VPS13B: variants seen among roughly 807,000 people sequenced by gnomAD.
The protein encoded by VPS13B is vacuolar protein sorting 13 homolog B.
A neutral mutation model predicts 426.4 loss-of-function variants in VPS13B; 285 were observed. That is an observed-to-expected ratio of 0.67 (90% confidence interval 0.61 to 0.74). VPS13B has a LOEUF of 0.74. Among genes scored for constraint, VPS13B ranks in the 30% least tolerant of loss-of-function variants. The pLI is 0.00. For missense variants in VPS13B, 4,537 were observed against 4,782.6 expected (o/e 0.95, Z 1.51); for synonymous variants, 1,676 against 1,676.4 (o/e 1.00, Z 0.01).
chr8:99,169,577 A>G (rs532167074), intron 15 of VPS13B, among the ~76,000 whole-genome samples: 1 of 152,136 alleles, frequency 6.6e-6, no homozygotes, highest in African/African-American at 2.4e-5. Context: ...TTTTGTATGT[A>G]CATTATACAA....
chr8:99,338,043 G>GT (rs1008750089), intron 19 of VPS13B, among the ~76,000 whole-genome samples: 38 of 152,060 alleles, frequency 2.5e-4, no homozygotes, highest in Non-Finnish European at 3.7e-4. Context: ...TTCTATTCTG[G>GT]TTTTTTAATC....
chr8:99,029,659 G>C (rs899883480), intron 2 of VPS13B, among the ~76,000 whole-genome samples: 1 of 151,672 alleles, frequency 6.6e-6, no homozygotes, highest in Admixed American at 6.6e-5. Flanking sequence ...GCCTGCAATC[G>C]CAGGCACTCG....
intron 35 of VPS13B, among the ~76,000 whole-genome samples, chr8:99,667,993 A>T (rs1384221199): frequency 6.6e-6 from 1 of 152,228 alleles, no homozygotes; most frequent in Non-Finnish European, 1.5e-5. Context: ...TTACAAAAAA[A>T]TAATAAAAGC....
intron 61 of VPS13B, 75 bp from the exon 62 acceptor site, chr8:99,875,343 A>G (rs907514701): frequency 6.3e-7 from 1 of 1,598,642 alleles, no homozygotes; most frequent in African/African-American, 1.3e-5. Flanking sequence ...AAATATATCG[A>G]GGCAAAAGAA....
At chr8:99,021,217 AG>A (rs1406758684) in intron 2 of VPS13B, among the ~76,000 whole-genome samples, 2 of 152,350 alleles carry the variant, frequency 1.3e-5, no homozygotes, top group Admixed American at 6.5e-5. Flanking sequence ...AAAAGCCTAA[AG>A]TATTTACTGT....
intron 39 of VPS13B, among the ~76,000 whole-genome samples, chr8:99,745,699 T>G (rs1183069805): frequency 6.6e-6 from 1 of 152,076 alleles, no homozygotes; most frequent in African/African-American, 2.4e-5. Context: ...GTAGAGAGAT[T>G]AGTGTAATTA....
intron 19 of VPS13B, among the ~76,000 whole-genome samples, chr8:99,375,973 T>A (rs2133273489): frequency 6.6e-6 from 1 of 152,352 alleles, no homozygotes; most frequent in African/African-American, 2.4e-5. Context: ...GCATGTATGT[T>A]TAATTTTAAT....
rs1159657294 is a variant in VPS13B at position 99,681,514 on chromosome 8, A to T, written c.6047-18011A>T. ...CTGTATGGAAACAAATATACAAAAA[A>T]CATTTGAAAAGTGAATTACTTAAAT... On this transcript the variant is annotated intron_variant, in intron 35 of 61. Transcript: ENST00000357162. Among the ~76,000 whole-genome samples, 2 of 152,298 alleles carry T rather than the reference A, an allele frequency of 1.3e-5. 1 individual carries two copies. Among genetic ancestry groups the T allele is most frequent in the Admixed American group, 1.3e-4 (2 of 15,308 alleles).
chr8:99,762,996 G>A (rs1177925161), intron 39 of VPS13B, among the ~76,000 whole-genome samples: 1 of 151,522 alleles, frequency 6.6e-6, no homozygotes, highest in Non-Finnish European at 1.5e-5. Context: ...AAATTAGTCA[G>A]GCATGGTGGC....
At chr8:99,014,072 G>T in intron 2 of VPS13B, 137 bp downstream of exon 2, 1 of 916,586 alleles carries the variant, frequency 1.1e-6, no homozygotes, top group Non-Finnish European at 1.7e-6. Flanking sequence ...CCTGAAACAA[G>T]GGGGCTTTAT....
At chr8:99,084,720 T>A (rs935388393) in intron 3 of VPS13B, among the ~76,000 whole-genome samples, 4 of 152,204 alleles carry the variant, frequency 2.6e-5, no homozygotes, top group African/African-American at 9.7e-5. Context: ...TAGCCAGTAG[T>A]CATTCAGGAG....
intron 39 of VPS13B, among the ~76,000 whole-genome samples, chr8:99,762,105 G>A (rs1788162): frequency 0.12 from 17,560 of 151,434 alleles, 1,718 homozygotes; most frequent in East Asian, 0.4. Context: ...GGCTCACTGC[G>A]GCCTCAACCT....
In VPS13B at chr8:99,101,227, G is replaced by A. The variant is rs189210650; in HGVS notation, c.413-1726G>A. On this transcript the variant is annotated intron_variant, in intron 4 of 61. Coordinates refer to ENST00000357162, the MANE Select transcript of VPS13B (RefSeq NM_152564.5). The stretch of plus-strand genomic sequence containing the variant: ...GCTCACTGCAAGCTCCGCCTCCTGG[G>A]TTCACACCATCCTCCTGCTTCAGCC... Among the ~76,000 whole-genome samples the A allele has an allele frequency of 1.5e-3, 224 of 152,232 alleles. 2 individuals carry two copies. Among genetic ancestry groups the A allele is most frequent in the Admixed American group, 3.4e-3 (52 of 15,302 alleles).
At chr8:99,402,507 G>A (rs550223574) in intron 21 of VPS13B, among the ~76,000 whole-genome samples, 1 of 152,218 alleles carries the variant, frequency 6.6e-6, no homozygotes, top group East Asian at 1.9e-4. Flanking sequence ...TTATTCTTAA[G>A]AACTACAAGT....
intron 35 of VPS13B, among the ~76,000 whole-genome samples, chr8:99,671,343 G>T (rs1157106272): frequency 6.6e-6 from 1 of 151,988 alleles, no homozygotes; most frequent in South Asian, 2.1e-4. Flanking sequence ...TTGTCTTCTT[G>T]CTATTGTGTT....
At position 99,762,349 on chromosome 8, in the gene VPS13B, C is replaced by G. The variant is rs72676245; in HGVS notation, c.7051-4425C>G. On this transcript the variant is annotated intron_variant, in intron 39 of 61. Coordinates refer to ENST00000357162, the MANE Select transcript of VPS13B (RefSeq NM_152564.5). The stretch of plus-strand genomic sequence containing the variant: ...CCTCCACTGAGATTTTTATATGTCT[C>G]TCTAGGGATTTATACTCCAGTTACC... 3.4e-3 allele frequency among the ~76,000 whole-genome samples: 521 copies of G among 152,222 alleles called. 3 individuals are homozygous for G. Among genetic ancestry groups the G allele is most frequent in the Non-Finnish European group, 5.7e-3 (389 of 68,006 alleles).
chr8:99,151,985 T>C (rs1811103737), intron 14 of VPS13B, among the ~76,000 whole-genome samples: 1 of 152,220 alleles, frequency 6.6e-6, no homozygotes, highest in Non-Finnish European at 1.5e-5. Flanking sequence ...AGCTAGCTTT[T>C]GGTTTTGTTT....
chr8:99,208,908 C>G (rs1814899192), intron 17 of VPS13B, among the ~76,000 whole-genome samples: 1 of 152,090 alleles, frequency 6.6e-6, no homozygotes. Flanking sequence ...GATATTTTTA[C>G]AAGGCTACTG....
intron 31 of VPS13B, among the ~76,000 whole-genome samples, chr8:99,560,841 T>G (rs1487439130): frequency 6.6e-6 from 1 of 152,184 alleles, no homozygotes; most frequent in Non-Finnish European, 1.5e-5. Context: ...ATTTAGGAGG[T>G]GCCAGCTTAT....
Sources: allele counts gnomAD v4.1 joint callset (sites outside exome capture counted in the v4.1 genomes callset), GRCh38; gene constraint gnomAD v4.1.1; transcripts MANE v1.5; gene names NCBI Gene and HGNC (gene_info 2026-07-23, HGNC 2026-07-21).